The following DOCK8 variants were observed in gnomAD, a reference collection of about 807,000 sequenced individuals.
The protein encoded by DOCK8 is dedicator of cytokinesis protein 8.
A neutral mutation model predicts 245.6 loss-of-function variants in DOCK8; 141 were observed. The observed-to-expected ratio is 0.57, with a 90% CI of 0.50 to 0.66. DOCK8 has a LOEUF of 0.66. Ranked by LOEUF, DOCK8 falls within the 30% of genes least tolerant of loss-of-function variation. The pLI is 0.00. For synonymous variants in DOCK8, 1,168 were observed against 970.2 expected, an observed-to-expected ratio of 1.20 and a Z score of -3.79; for missense variants, 2,965 against 2,603.4, an observed-to-expected ratio of 1.14 and a Z score of -3.02.
intron 1 of DOCK8, among the ~76,000 whole-genome samples, chr9:235,980 G>A (rs761587671): frequency 4.6e-5 from 7 of 152,192 alleles, no homozygotes; most frequent in African/African-American, 9.7e-5. Context: ...GAAATCACCC[G>A]TATTCTGTGT....
At chr9:432,880 T>TA (rs1267199295) in intron 37 of DOCK8, among the ~76,000 whole-genome samples, 2 of 152,188 alleles carry the variant, frequency 1.3e-5, no homozygotes, top group Non-Finnish European at 2.9e-5. Context: ...AGGAAATGTG[T>TA]AAGGACAGTC....
intron 1 of DOCK8, among the ~76,000 whole-genome samples, chr9:217,347 G>T (rs2046779236): frequency 6.6e-6 from 1 of 152,194 alleles, no homozygotes; most frequent in African/African-American, 2.4e-5. Flanking sequence ...AGATCAGTTT[G>T]GGTTAGGTAT....
intron 1 of DOCK8, chr9:268,030 G>A (rs577370835): frequency 5.3e-4 from 81 of 152,334 alleles, no homozygotes; most frequent in African/African-American, 1.8e-3. Context: ...CACCAGGGGT[G>A]TGAGGCATGC....
At chr9:339,800 C>T (rs1405379839) in intron 13 of DOCK8, among the ~76,000 whole-genome samples, 2 of 152,208 alleles carry the variant, frequency 1.3e-5, no homozygotes, top group Non-Finnish European at 2.9e-5. Flanking sequence ...AGGCGTGAGC[C>T]ACCACATCCG....
chr9:455,459 A>G (rs2131914931), intron 46 of DOCK8, among the ~76,000 whole-genome samples: 2 of 152,340 alleles, frequency 1.3e-5, no homozygotes, highest in Middle Eastern at 6.8e-3. Flanking sequence ...GCAATGAGCC[A>G]TGATCGTGCC....
intron 16 of DOCK8, 45 bp downstream of exon 16, chr9:370,345 T>TGAAAC: frequency 6.4e-7 from 1 of 1,561,416 alleles, no homozygotes; most frequent in Non-Finnish European, 8.8e-7. Flanking sequence ...GATGGTTTCA[T>TGAAAC]CATCTCCTGG....
At chr9:327,475 C>T (rs1314425596) in intron 8 of DOCK8, among the ~76,000 whole-genome samples, 1 of 151,700 alleles carries the variant, frequency 6.6e-6, no homozygotes, top group East Asian at 1.9e-4. Flanking sequence ...CTTACTGCAC[C>T]CTCTGCCTCC....
At chr9:399,799 T>C (rs1437555787) in intron 26 of DOCK8, among the ~76,000 whole-genome samples, 2 of 151,970 alleles carry the variant, frequency 1.3e-5, no homozygotes, top group African/African-American at 4.8e-5. Context: ...AATGGAATTA[T>C]TCATGTGCTG....
In DOCK8 at chr9:441,313, G is replaced by C; in HGVS notation, c.5251G>C (p.Val1751Leu). 6.2e-7 allele frequency: 1 copy of C among 1,614,180 alleles called. No homozygotes were observed. Among genetic ancestry groups the C allele is most frequent in the Middle Eastern group, 1.6e-4 (1 of 6,062 alleles). Residue 1751 changes from valine to leucine, a missense_variant, in exon 41 of 48, where the codon GTC becomes CTC. Val to Leu is a conservative substitution (Grantham distance 32). Around this residue, in one of 3 missense-constraint regions of DOCK8, gnomAD observed 2,825 missense variants for 2,453.5 expected, o/e 1.15. Transcript: ENST00000432829. ...AGGCTTATATGAGACAGTTAATGAG[G>C]TCTACAAGCTGGTCATCCCCATCCT... ...TGGLYETVNE[V>L]YKLVIPILEA...
intron 24 of DOCK8, among the ~76,000 whole-genome samples, chr9:395,618 G>A (rs1227991251): frequency 6.6e-6 from 1 of 151,992 alleles, no homozygotes; most frequent in Non-Finnish European, 1.5e-5. Context: ...CGTTTTCAGA[G>A]TGTAGGGACC....
In DOCK8 at chr9:337,005, C is replaced by T. The variant is rs962451244; in HGVS notation, c.1422+287C>T. On this transcript the variant is annotated intron_variant, in intron 12 of 47. Coordinates refer to ENST00000432829, the MANE Select transcript of DOCK8 (RefSeq NM_203447.4). ...CTCTGTAGAGTCCTGAGGTGGAGCA[C>T]GGTGAGCAGCTGAGCATGCTAGCTC... 9.2e-5 allele frequency among the ~76,000 whole-genome samples: 14 copies of T among 152,104 alleles called. No homozygotes were observed. In the East Asian group the frequency reaches 1.3e-3, roughly 15 times the overall value.
In DOCK8 at chr9:229,599, T is replaced by G. The variant is rs79080550; in HGVS notation, c.53+14570T>G. Among the ~76,000 whole-genome samples, 5 of 152,250 alleles carry G rather than the reference T, an allele frequency of 3.3e-5. No individual in the cohort carries two copies. The East Asian group carries it at 9.6e-4, about 29-fold the overall frequency. ...CAGGATTTGAGGCTAAATTAAATGA[T>G]AAAGAGTTACCAAGCTCTTTATTCT... On this transcript the variant is annotated intron_variant, in intron 1 of 47. Transcript: ENST00000432829.
At chr9:283,381 T>C (rs1369215079) in intron 2 of DOCK8, among the ~76,000 whole-genome samples, 10 of 152,202 alleles carry the variant, frequency 6.6e-5, no homozygotes, top group Non-Finnish European at 4.4e-5. Flanking sequence ...GTCAAAACAT[T>C]GTTTCATACA....
intron 20 of DOCK8, among the ~76,000 whole-genome samples, chr9:377,785 T>C (rs1028921254): frequency 2.6e-5 from 4 of 152,176 alleles, no homozygotes; most frequent in African/African-American, 9.7e-5. Context: ...CTAGAACTCA[T>C]CCGTTCTCTC....
chr9:406,850 G>A (rs975911310), intron 27 of DOCK8, 80 bp from the exon 28 acceptor site: 8 of 1,594,532 alleles, frequency 5.0e-6, no homozygotes, highest in East Asian at 2.2e-5. Flanking sequence ...TGGCTGGGGC[G>A]AGGACTCAGT....
chr9:427,067 A>G, intron 34 of DOCK8, 86 bp downstream of exon 34: 2 of 1,158,260 alleles, frequency 1.7e-6, no homozygotes, highest in South Asian at 2.6e-5. Flanking sequence ...ATTGTGAAAG[A>G]CATAAATGTG....
chr9:244,618 A>G (rs548306296), intron 1 of DOCK8, among the ~76,000 whole-genome samples: 5 of 152,294 alleles, frequency 3.3e-5, no homozygotes, highest in African/African-American at 7.2e-5. Context: ...ATCCCATACA[A>G]CACCTATCAT....
intron 29 of DOCK8, among the ~76,000 whole-genome samples, chr9:415,398 T>G (rs1488478491): frequency 6.6e-6 from 1 of 152,128 alleles, no homozygotes; most frequent in Non-Finnish European, 1.5e-5. Context: ...AAAAAAATCA[T>G]GGCATATGTC....
chr9:399,237 T>C lies in DOCK8; in HGVS notation c.3212T>C (p.Leu1071Pro), dbSNP rs1451278431. Residue 1071 changes from leucine (L) to proline (P), a missense_variant, in exon 26 of 48, where the codon CTC (leucine) becomes CCC (proline). Around this residue, in one of 3 missense-constraint regions of DOCK8, gnomAD observed 2,825 missense variants for 2,453.5 expected, o/e 1.15. Transcript: ENST00000432829. ...SLMDRGFVFN[L>P]IRHYCSQLSA... ...ATGGATCGGGGCTTTGTGTTTAACC[T>C]CATCAGACATTATTGCAGCCAGGTG... The C allele has an allele frequency of 1.2e-6, 2 of 1,613,682 alleles. No individual in the cohort carries two copies. Among genetic ancestry groups the C allele is most frequent in the South Asian group, 1.1e-5 (1 of 91,048 alleles).
Sources: gnomAD v4.1 joint callset for allele counts (sites outside exome capture counted in the v4.1 genomes callset) on GRCh38, gnomAD v4.1.1 for gene constraint, gnomAD v4.1.1 regional missense constraint, MANE v1.5 for transcripts, NCBI Gene and HGNC (gene_info 2026-07-23, HGNC 2026-07-21) for gene names.